ZNF236: variants seen among roughly 807,000 people sequenced by gnomAD.
ZNF236 encodes the protein regulated by glucose.
ZNF236 carries 50 observed loss-of-function variants against 191.2 expected under a neutral mutation model. That is an observed-to-expected ratio of 0.26 (90% CI 0.21 to 0.33). The LOEUF (loss-of-function observed/expected upper bound fraction) is 0.33, where lower values mean the gene tolerates loss of function less well. ZNF236 is among the 10% of genes least tolerant of loss of function. ZNF236 has a pLI of 1.00. For missense variants in ZNF236, 1,754 were observed against 2,374.5 expected, an observed-to-expected ratio of 0.74 and a Z score of 5.43; for synonymous variants, 907 against 928.8, an observed-to-expected ratio of 0.98 and a Z score of 0.43.
intron 5 of ZNF236, among the ~76,000 whole-genome samples, chr18:76,874,200 C>A (rs1002955444): frequency 6.6e-6 from 1 of 152,206 alleles, no homozygotes; most frequent in South Asian, 2.1e-4. Context: ...TTGCCCCCTC[C>A]GAGTTAAAGC....
intron 1 of ZNF236, among the ~76,000 whole-genome samples, chr18:76,844,399 C>T (rs1434772275): frequency 6.6e-6 from 1 of 152,048 alleles, no homozygotes. Flanking sequence ...GGTGCCTGGC[C>T]AGGGGGCTGT....
chr18:76,918,704 G>A (rs549298107), intron 19 of ZNF236, among the ~76,000 whole-genome samples: 30 of 152,130 alleles, frequency 2.0e-4, no homozygotes, highest in Non-Finnish European at 3.2e-4. Flanking sequence ...ACAGGCGCGC[G>A]CCCCCATGCC....
At chr18:76,933,936 G>A (rs1302426242) in intron 25 of ZNF236, among the ~76,000 whole-genome samples, 2 of 152,178 alleles carry the variant, frequency 1.3e-5, no homozygotes, top group East Asian at 3.8e-4. Context: ...TTCAGATCTA[G>A]CTTGAGGCCA....
intron 20 of ZNF236, 26 bp from the exon 21 acceptor site, chr18:76,923,045 G>A (rs1967581932): frequency 1.3e-6 from 2 of 1,511,880 alleles, no homozygotes; most frequent in African/African-American, 1.4e-5. Context: ...TTGTCAATAT[G>A]TCTATAATTA....
At chr18:76,934,256 G>A (rs1022525582) in intron 25 of ZNF236, among the ~76,000 whole-genome samples, 4 of 152,198 alleles carry the variant, frequency 2.6e-5, no homozygotes, top group African/African-American at 4.8e-5. Flanking sequence ...AAAAGCACAT[G>A]CTTTTGTTGA....
At chr18:76,934,111 G>A (rs1174376594) in intron 25 of ZNF236, among the ~76,000 whole-genome samples, 5 of 152,086 alleles carry the variant, frequency 3.3e-5, no homozygotes, top group Admixed American at 3.3e-4. Flanking sequence ...AGCAAGGTTT[G>A]GTTAAGACTC....
At chr18:76,824,179 T>C (rs1054517765) in intron 1 of ZNF236, 1 of 632,744 alleles carries the variant, frequency 1.6e-6, no homozygotes, top group African/African-American at 1.8e-5. Flanking sequence ...CTACAAAGGA[T>C]TGTGTTAATT....
At chr18:76,823,841 G>C (rs1029674855) in intron 1 of ZNF236, among the ~76,000 whole-genome samples, 1 of 152,212 alleles carries the variant, frequency 6.6e-6, no homozygotes. Flanking sequence ...GGGGCGCCGC[G>C]CTTTTTCTCG....
At chr18:76,907,599 G>A (rs890195647) in intron 13 of ZNF236, among the ~76,000 whole-genome samples, 1 of 152,192 alleles carries the variant, frequency 6.6e-6, no homozygotes, top group Non-Finnish European at 1.5e-5. Context: ...AAAGTGCTGG[G>A]ATTACAGGTG....
At chr18:76,890,476 C>G (rs1480846918) in intron 9 of ZNF236, among the ~76,000 whole-genome samples, 1 of 152,138 alleles carries the variant, frequency 6.6e-6, no homozygotes, top group Non-Finnish European at 1.5e-5. Flanking sequence ...GTTACACTTT[C>G]CTTTGGTAAA....
intron 1 of ZNF236, among the ~76,000 whole-genome samples, chr18:76,830,679 A>G (rs1330962965): frequency 6.6e-6 from 1 of 152,136 alleles, no homozygotes; most frequent in East Asian, 1.9e-4. Context: ...GTTTTAGGCA[A>G]GTTTACGAAT....
rs771843137 is a variant in ZNF236, at chr18:76,849,603, C to G, written c.133C>G (p.Leu45Val). The G allele has an allele frequency of 6.2e-7, 1 of 1,611,354 alleles. No homozygotes were observed. Among genetic ancestry groups the G allele is most frequent in the Non-Finnish European group, 8.5e-7 (1 of 1,179,324 alleles). Residue 45 changes from leucine to valine, a missense_variant, in exon 2 of 31, where the codon CTA becomes GTA. Transcript: ENST00000320610. ...VPNFHKCEICLLSFPKESQFQ... is the reference protein window; with the variant it reads ...VPNFHKCEICVLSFPKESQFQ... ...AAACTTCCATAAATGTGAAATCTGT[C>G]TACTATCTTTTCCAAAAGAATCCCA...
chr18:76,869,367 A>G (rs925817507), intron 4 of ZNF236, among the ~76,000 whole-genome samples: 8 of 152,192 alleles, frequency 5.3e-5, no homozygotes, highest in African/African-American at 1.7e-4. Flanking sequence ...GTTCTATGAG[A>G]TTTTGTAGCT....
At chr18:76,888,371 A>G (rs540989302) in intron 9 of ZNF236, 12 of 152,828 alleles carry the variant, frequency 7.9e-5, no homozygotes, top group Admixed American at 3.3e-4. Flanking sequence ...TCAAAAACCA[A>G]ACAAACAAAC....
At chr18:76,822,739 G>A (rs1213100853) in intron 1 of ZNF236, 77 bp downstream of exon 1, 1 of 145,526 alleles carries the variant, frequency 6.9e-6, no homozygotes, top group African/African-American at 2.5e-5. Flanking sequence ...CCCGGATGCG[G>A]CGCGGGGGGC....
intron 27 of ZNF236, among the ~76,000 whole-genome samples, chr18:76,950,028 C>T (rs1599420936): frequency 6.6e-6 from 1 of 152,060 alleles, no homozygotes; most frequent in East Asian, 1.9e-4. Context: ...TGCTAACGAT[C>T]ACCTGAGCCT....
intron 26 of ZNF236, among the ~76,000 whole-genome samples, chr18:76,939,480 G>A (rs532983642): frequency 5.9e-4 from 90 of 152,290 alleles, no homozygotes; most frequent in Admixed American, 1.9e-3. Context: ...GTATCTCAGG[G>A]CCTAGTGAAG....
intron 9 of ZNF236, chr18:76,886,124 G>T (rs768778852): frequency 1.3e-5 from 2 of 152,094 alleles, no homozygotes; most frequent in Admixed American, 1.3e-4. Flanking sequence ...TGGTATTCCG[G>T]CTGTCTTGTA....
intron 1 of ZNF236, among the ~76,000 whole-genome samples, chr18:76,843,892 A>C (rs1417011701): frequency 6.6e-6 from 1 of 151,504 alleles, no homozygotes; most frequent in Non-Finnish European, 1.5e-5. Context: ...AAAAGTAAAG[A>C]AGAGGCTGGG....
Sources: allele counts gnomAD v4.1 joint callset (sites outside exome capture counted in the v4.1 genomes callset), GRCh38; gene constraint gnomAD v4.1.1; transcripts MANE v1.5; gene names NCBI Gene and HGNC (gene_info 2026-07-23, HGNC 2026-07-21).